Variants in CKM observed in about 807,000 individuals in gnomAD.
CKM encodes creatine kinase, M-type.
CKM carries 28 observed loss-of-function variants against 35.4 expected under a neutral mutation model. The observed-to-expected ratio is 0.79, with a 90% CI of 0.59 to 1.08. CKM has a LOEUF of 1.08. Among genes scored for constraint, CKM ranks in the 50% least tolerant of loss-of-function variants. The pLI, the probability that CKM is intolerant of heterozygous loss-of-function variation, is 0.00. For missense variants in CKM, 484 were observed against 509.8 expected (o/e 0.95, Z 0.49); for synonymous variants, 215 against 204.4 (o/e 1.05, Z -0.44).
chr19:45,308,883 CGTA>C (rs1568509271), intron 5 of CKM, among the ~76,000 whole-genome samples: 1 of 152,122 alleles, frequency 6.6e-6, no homozygotes, highest in African/African-American at 2.4e-5. Flanking sequence ...ATCTTCCCAT[CGTA>C]GTGTGTTAGC....
At chr19:45,321,750 C>T (rs568539423) in intron 1 of CKM, among the ~76,000 whole-genome samples, 131 of 152,212 alleles carry the variant, frequency 8.6e-4, no homozygotes, top group Middle Eastern at 3.4e-3. Flanking sequence ...TGAGCCACTG[C>T]GCCAGGTCCT....
Position 45,306,678 on chromosome 19 carries a change from G to A in CKM, c.*72C>T. 1 of 1,525,700 alleles carries A rather than the reference G, an allele frequency of 6.6e-7. No individual in the cohort carries two copies. 94.5% of individuals were successfully genotyped at this position (1,525,700 alleles called of 1,614,324 possible). ...GACAGGGGGCGGGGCGAGGAGTGAG[G>A]GAGCAGGACTCTGGTGGGCCAGGCC... On this transcript the variant is annotated 3_prime_UTR_variant, in exon 8 of 8. Transcript: ENST00000221476. This position sits in a 1 kb window ranked among gnomAD's most constrained non-coding sequence, Gnocchi z 4.5.
At chr19:45,307,418 T>G in intron 7 of CKM, 43 bp downstream of exon 7, 2 of 1,594,318 alleles carry the variant, frequency 1.3e-6, no homozygotes, top group Non-Finnish European at 1.7e-6. Context: ...CAAAGGGCCC[T>G]CGCTCCCCCT....
chr19:45,307,603 C>T lies in CKM; in HGVS notation c.825G>A (p.Gln275=). 6.2e-7 allele frequency: 1 copy of T among 1,614,152 alleles called. No individual in the cohort carries two copies. The highest frequency in any genetic ancestry group is 8.5e-7 in the Non-Finnish European group (1 of 1,180,038). The change falls in exon 7 of 8, where the codon CAG becomes CAA. Residue 275 remains glutamine, a synonymous_variant. Coordinates refer to ENST00000221476, the MANE Select transcript of CKM (RefSeq NM_001824.5). ...GGCAGGTGAGCACGTAGCCCAGGTG[C>T]TGGTTCCACATGAAGGGGTGGCCAG... ...KKAGHPFMWN[Q]HLGYVLTCPS...
Position 45,306,659 on chromosome 19 carries a change from G to T in CKM, c.*91C>A. On this transcript the variant is annotated 3_prime_UTR_variant, in exon 8 of 8. Transcript: ENST00000221476. This position sits in a 1 kb window ranked among gnomAD's most constrained non-coding sequence, Gnocchi z 4.5. ...CCCCCAGGTGGGACTCTGGGACAGG[G>T]GGCGGGGCGAGGAGTGAGGGAGCAG... 2 of 1,381,596 alleles carry T rather than the reference G, an allele frequency of 1.4e-6. No individual in the cohort carries two copies. Among genetic ancestry groups the T allele is most frequent in the South Asian group, 1.2e-5 (1 of 85,404 alleles). 85.6% of individuals were successfully genotyped at this position (1,381,596 alleles called of 1,614,324 possible). A position where few individuals can be genotyped will look rare whatever the true frequency, so the allele number is the denominator to read the frequency against.
At position 45,308,548 on chromosome 19, in the gene CKM, G is replaced by T. The variant is rs1328739382; in HGVS notation, c.654-16C>A. On this transcript the variant is annotated splice_polypyrimidine_tract_variant and intron_variant, in intron 5 of 7. Coordinates refer to ENST00000221476, the MANE Select transcript of CKM (RefSeq NM_001824.5). Reference sequence around the variant, plus strand: ...GTCATTGTGCCTAGAGTAAGGTGCCGCAGCAAGAGGCCAAGGTGTCAGCCC... The same window carrying T: ...GTCATTGTGCCTAGAGTAAGGTGCCTCAGCAAGAGGCCAAGGTGTCAGCCC... 1.2e-6 allele frequency: 2 copies of T among 1,613,786 alleles called. No homozygotes were observed. The highest frequency in any genetic ancestry group is 1.3e-5 in the African/African-American group (1 of 74,894).
Position 45,307,481 on chromosome 19 carries a change from C to T in CKM, c.947G>A (p.Arg316His), listed in dbSNP as rs1971064040. 6.2e-7 allele frequency: 1 copy of T among 1,613,860 alleles called. No homozygotes were observed. The highest frequency in any genetic ancestry group is 8.5e-7 in the Non-Finnish European group (1 of 1,179,836). ...PKFEEILTRL[R>H]LQKRGTGGVD... Reference sequence around the variant, plus strand: ...CGTACCTGTACCCCTCTTCTGCAGACGCAGGCGGGTGAGGATCTCCTCGAA... The same window carrying T: ...CGTACCTGTACCCCTCTTCTGCAGATGCAGGCGGGTGAGGATCTCCTCGAA... Residue 316 changes from arginine (R) to histidine (H), a missense_variant, in exon 7 of 8, where the codon CGT becomes CAT. Physicochemically the swap from Arg to His is conservative, Grantham distance 29. Transcript: ENST00000221476.
chr19:45,320,932 G>C (rs548279545), intron 1 of CKM, among the ~76,000 whole-genome samples: 3 of 145,046 alleles, frequency 2.1e-5, no homozygotes, highest in Non-Finnish European at 4.6e-5. Flanking sequence ...ACAGAGTCTC[G>C]CTCTGTCGCC....
intron 4 of CKM, among the ~76,000 whole-genome samples, chr19:45,314,477 G>A (rs1371410479): frequency 2.0e-5 from 3 of 149,966 alleles, no homozygotes. Context: ...GCAGTGGCGT[G>A]ATCTCAGCTC....
At chr19:45,312,827 G>T (rs924567983) in intron 4 of CKM, among the ~76,000 whole-genome samples, 1 of 151,546 alleles carries the variant, frequency 6.6e-6, no homozygotes, top group Non-Finnish European at 1.5e-5. Context: ...GGTGGCACAC[G>T]CCTGTAATCC....
At chr19:45,312,867 A>T (rs10408267) in intron 4 of CKM, among the ~76,000 whole-genome samples, 112,463 of 150,754 alleles carry the variant, frequency 0.75, 43,575 homozygotes, top group African/African-American at 0.9. Flanking sequence ...GGCACGAGAA[A>T]CACTTGAACC....
At chr19:45,315,849 C>CTTTTTTTTTTTTTTTTT (rs376961493) in intron 3 of CKM, among the ~76,000 whole-genome samples, 5 of 135,666 alleles carry the variant, frequency 3.7e-5, no homozygotes, top group Non-Finnish European at 7.9e-5. Flanking sequence ...ATTTCTTTTC[C>CTTTTTTTTTTTTTTTTT]TTTTTTTTCT....
At chr19:45,318,107 G>A in intron 2 of CKM, 128 bp from the exon 3 acceptor site, 1 of 716,518 alleles carries the variant, frequency 1.4e-6, no homozygotes, top group Non-Finnish European at 2.4e-6. Flanking sequence ...ACCTCTGGGT[G>A]GGAATTGAGA....
chr19:45,309,227 C>CA (rs59133395), intron 5 of CKM, among the ~76,000 whole-genome samples: 9,596 of 80,602 alleles, frequency 0.12, 548 homozygotes, highest in Middle Eastern at 0.2. Flanking sequence ...GACTCCATCT[C>CA]AAAAAAAAAA....
At position 45,322,867 on chromosome 19, in the gene CKM, CACTG is replaced by C; in HGVS notation, c.-69_-66del. The stretch of plus-strand genomic sequence containing the variant: ...GGGGCTGTCTGTATCCTGGAGGTGA[CACTG>C]ACCCAAAGGAAGGGCCAGCAGCCGT... On this transcript the variant is annotated 5_prime_UTR_variant, in exon 1 of 8. Coordinates refer to ENST00000221476, the MANE Select transcript of CKM (RefSeq NM_001824.5). 1 of 986,146 alleles carries C rather than the reference CACTG, an allele frequency of 1.0e-6. No individual in the cohort carries two copies. Among genetic ancestry groups the C allele is most frequent in the Non-Finnish European group, 1.2e-6 (1 of 830,570 alleles). The allele number at this position is 986,146 out of a possible 1,614,324, so 61.1% of individuals were successfully genotyped here.
chr19:45,308,302 A>G (rs1165467814), intron 6 of CKM, 107 bp downstream of exon 6: 6 of 1,425,022 alleles, frequency 4.2e-6, no homozygotes, highest in Non-Finnish European at 5.8e-6. Context: ...AGGGCCCTGG[A>G]AAATGGGTGG....
chr19:45,307,077 G>A (rs1235566252), intron 7 of CKM, 149 bp from the exon 8 acceptor site: 5 of 752,300 alleles, frequency 6.6e-6, no homozygotes, highest in African/African-American at 1.7e-5. Context: ...GTTCATTCGT[G>A]AGCTCACGAG....
At chr19:45,314,174 AAAGG>A (rs140672931) in intron 4 of CKM, among the ~76,000 whole-genome samples, 10,922 of 149,622 alleles carry the variant, frequency 0.073, 456 homozygotes, top group Non-Finnish European at 0.085. Flanking sequence ...AAAAGAAAGG[AAAGG>A]AAGGAAGGAA....
chr19:45,318,829 C>T (rs1267491277), intron 2 of CKM, among the ~76,000 whole-genome samples: 1 of 151,754 alleles, frequency 6.6e-6, no homozygotes, highest in Non-Finnish European at 1.5e-5. Flanking sequence ...CTTTGAGAAA[C>T]AACCATAACA....
Sources: allele counts gnomAD v4.1 joint callset (sites outside exome capture counted in the v4.1 genomes callset), GRCh38; gene constraint gnomAD v4.1.1; non-coding constraint Gnocchi (gnomAD v3.1); transcripts MANE v1.5; gene names NCBI Gene and HGNC (gene_info 2026-07-23, HGNC 2026-07-21).